The following KDM4A variants were observed in gnomAD, a reference collection of about 807,000 sequenced individuals.
KDM4A encodes the protein lysine-specific demethylase 4A.
A neutral mutation model predicts 127.1 loss-of-function variants in KDM4A; 23 were observed. The ratio of observed to expected loss-of-function variants is 0.18; its 90% CI spans 0.13 to 0.26. The LOEUF (loss-of-function observed/expected upper bound fraction) is 0.26, where lower values mean the gene tolerates loss of function less well. KDM4A is among the 10% of genes least tolerant of loss of function. The pLI is 1.00. For synonymous variants in KDM4A, 443 were observed against 466.5 expected (o/e 0.95, Z 0.65); for missense variants, 890 against 1,329.1 (o/e 0.67, Z 5.14).
chr1:43,655,126 C>T (rs627901), intron 2 of KDM4A, among the ~76,000 whole-genome samples: 37 of 152,056 alleles, frequency 2.4e-4, no homozygotes, highest in Non-Finnish European at 1.9e-4. Context: ...CTGGGATTAC[C>T]GGCATGAGCC....
At chr1:43,653,715 G>A (rs1012777349) in intron 2 of KDM4A, 1 of 155,112 alleles carries the variant, frequency 6.4e-6, no homozygotes, top group African/African-American at 2.4e-5. Flanking sequence ...CTTTCTTCAA[G>A]GGGAGAGAAT....
At position 43,693,685 on chromosome 1, in the gene KDM4A, T is replaced by A. The variant is rs1661174472; in HGVS notation, c.2376-309T>A. 1.3e-5 allele frequency among the ~76,000 whole-genome samples: 2 copies of A among 152,204 alleles called. No homozygotes were observed. The highest frequency in any genetic ancestry group is 2.9e-5 in the Non-Finnish European group (2 of 68,038). On this transcript the variant is annotated intron_variant, in intron 16 of 21. Coordinates refer to ENST00000372396, the MANE Select transcript of KDM4A (RefSeq NM_014663.3). The surrounding 1 kb of genome is among the most constrained non-coding windows in gnomAD (Gnocchi z 4.2). ...ATAGAGCTTTCCAGTTTATTCTCAC[T>A]CCCTGAGACCTGCCACACACCATTA...
At position 43,690,934 on chromosome 1, in the gene KDM4A, G is replaced by C; in HGVS notation, c.2127G>C (p.Met709Ile). The C allele has an allele frequency of 1.9e-6, 3 of 1,614,236 alleles. No homozygotes were observed. The highest frequency in any genetic ancestry group is 2.5e-6 in the Non-Finnish European group (3 of 1,180,036). The change falls in exon 14 of 22, where the codon ATG (methionine) becomes ATC (isoleucine). Residue 709 changes from methionine to isoleucine, a missense_variant. Transcript: ENST00000372396. The part of the protein sequence containing the change: ...KQRTKPLIPE[M>I]CFTSTGCSTD... ...GGACCAAGCCATTGATTCCAGAAAT[G>C]TGCTTCACTTCGACTGGCTGCAGCA...
intron 3 of KDM4A, among the ~76,000 whole-genome samples, chr1:43,659,368 T>A (rs1444021206): frequency 6.6e-6 from 1 of 152,190 alleles, no homozygotes; most frequent in Non-Finnish European, 1.5e-5. Context: ...TGGAGTGCAG[T>A]GGCGTTAGTT....
intron 4 of KDM4A, among the ~76,000 whole-genome samples, chr1:43,662,538 C>T (rs537569753): frequency 7.2e-5 from 11 of 152,232 alleles, no homozygotes; most frequent in African/African-American, 2.2e-4. Context: ...GCCCGGGAGG[C>T]GGAGGTTGCA....
At chr1:43,683,024 G>A (rs1660892696) in intron 11 of KDM4A, among the ~76,000 whole-genome samples, 1 of 152,242 alleles carries the variant, frequency 6.6e-6, no homozygotes, top group Non-Finnish European at 1.5e-5. Flanking sequence ...CTGACATTAT[G>A]TAAATGCAGT....
At chr1:43,678,060 C>T (rs1338343592) in intron 11 of KDM4A, among the ~76,000 whole-genome samples, 1 of 151,928 alleles carries the variant, frequency 6.6e-6, no homozygotes, top group African/African-American at 2.4e-5. Context: ...GGGCTTGACT[C>T]GGGTTTCCAG....
rs917851148 is a variant in KDM4A at position 43,655,735 on chromosome 1, C to T, written c.283C>T (p.Arg95Ter). 1 of 1,611,938 alleles carries T rather than the reference C, an allele frequency of 6.2e-7. No homozygotes were observed. The highest frequency in any genetic ancestry group is 8.5e-7 in the Non-Finnish European group (1 of 1,178,954). Residue 95 changes from arginine (R) to a stop codon, truncating the protein, a stop_gained, in exon 3 of 22, where the codon CGA (arginine) becomes TGA (stop). Transcript: ENST00000372396. LOFTEE classifies it high-confidence loss of function. ...CATACAGAAGAAAGCCATGACTGTT[C>T]GAGAGTTCCGCAAGATAGCCAATAG... is the stretch of plus-strand genomic sequence containing the variant. The part of the protein sequence containing the change: ...YNIQKKAMTV[R>*]EFRKIANSDK...
chr1:43,686,335 CTTTT>C (rs35280583), intron 12 of KDM4A, among the ~76,000 whole-genome samples: 1 of 92,916 alleles, frequency 1.1e-5, no homozygotes, highest in Non-Finnish European at 2.1e-5. Context: ...CACGCCCAGC[CTTTT>C]TTTTTTTTTT....
intron 12 of KDM4A, among the ~76,000 whole-genome samples, chr1:43,684,344 C>T (rs987230087): frequency 5.9e-5 from 9 of 152,008 alleles, no homozygotes; most frequent in Non-Finnish European, 1.2e-4. Flanking sequence ...TCTACTAAAA[C>T]TACAAAAAAG....
intron 19 of KDM4A, among the ~76,000 whole-genome samples, chr1:43,698,226 G>A (rs1661292336): frequency 6.6e-6 from 1 of 152,168 alleles, no homozygotes; most frequent in African/African-American, 2.4e-5. Context: ...AAGTACCTGG[G>A]AATCAGTATT....
rs114742683 is a variant in KDM4A at position 43,687,431 on chromosome 1, G to A, written c.1856-1483G>A. 9.0e-3 allele frequency among the ~76,000 whole-genome samples: 1,373 copies of A among 152,298 alleles called. 24 individuals carry two copies. The highest frequency in any genetic ancestry group is 0.032 in the African/African-American group (1,343 of 41,554). Reference sequence around the variant, plus strand: ...AGAAGGAGGGTCATAGCTGGGGACTGATGATGCCATTCAAAGCGAGATGCA... The same window carrying A: ...AGAAGGAGGGTCATAGCTGGGGACTAATGATGCCATTCAAAGCGAGATGCA... On this transcript the variant is annotated intron_variant, in intron 12 of 21. Coordinates refer to ENST00000372396, the MANE Select transcript of KDM4A (RefSeq NM_014663.3).
chr1:43,666,424 G>A, intron 6 of KDM4A, 28 bp from the exon 7 acceptor site: 1 of 1,588,168 alleles, frequency 6.3e-7, no homozygotes, highest in African/African-American at 1.3e-5. Flanking sequence ...GGAGCACTGT[G>A]TTAACCTGTA....
At position 43,662,331 on chromosome 1, in the gene KDM4A, C is replaced by T. The variant is rs1272966139; in HGVS notation, c.430-563C>T. Among the ~76,000 whole-genome samples, 6 of 148,822 alleles carry T rather than the reference C, an allele frequency of 4.0e-5. No individual in the cohort carries two copies. In the South Asian group the frequency reaches 9.5e-4, roughly 24 times the overall value. On this transcript the variant is annotated intron_variant, in intron 4 of 21. Coordinates refer to ENST00000372396, the MANE Select transcript of KDM4A (RefSeq NM_014663.3). ...GGGTTTCAAACAGGTGACTCTTGGT[C>T]GGGCGCGGTGGCTCAGGCCTGTAAT...
Position 43,664,343 on chromosome 1 carries a change from G to A in KDM4A, c.623+1256G>A, listed in dbSNP as rs1344302881. 4.6e-5 allele frequency among the ~76,000 whole-genome samples: 7 copies of A among 151,960 alleles called. No individual in the cohort carries two copies. In the East Asian group the frequency reaches 1.3e-3, roughly 29 times the overall value. On this transcript the variant is annotated intron_variant, in intron 5 of 21. Coordinates refer to ENST00000372396, the MANE Select transcript of KDM4A (RefSeq NM_014663.3). ...GCACTTTGGGAAGCCGAGGTGGGTG[G>A]ATCACCTGAAGTCAGGAGTTGGAGA... is the stretch of plus-strand genomic sequence containing the variant.
At chr1:43,672,784 G>A (rs1434795586) in intron 11 of KDM4A, among the ~76,000 whole-genome samples, 1 of 152,204 alleles carries the variant, frequency 6.6e-6, no homozygotes, top group Non-Finnish European at 1.5e-5. Context: ...GTGAACCACC[G>A]TGGCTGGCCT....
chr1:43,702,492 T>C (rs1006453570), intron 19 of KDM4A: 4 of 152,216 alleles, frequency 2.6e-5, no homozygotes, highest in African/African-American at 9.6e-5. Context: ...CACATCCTTT[T>C]AGACTCACTG....
chr1:43,703,593 C>T (rs1340470563), intron 19 of KDM4A, 24 bp from the exon 20 acceptor site: 1 of 1,612,564 alleles, frequency 6.2e-7, no homozygotes, highest in African/African-American at 1.3e-5. Flanking sequence ...TTCCTTTCAC[C>T]CTCCTTCCTT....
intron 8 of KDM4A, among the ~76,000 whole-genome samples, 174 bp downstream of exon 8, chr1:43,667,265 G>A (rs1393628684): frequency 1.3e-5 from 2 of 152,168 alleles, no homozygotes; most frequent in African/African-American, 4.8e-5. Context: ...TTAAAAATGT[G>A]TTCAGAATTG....
Sources: allele counts gnomAD v4.1 joint callset (sites outside exome capture counted in the v4.1 genomes callset), GRCh38; gene constraint gnomAD v4.1.1; non-coding constraint Gnocchi (gnomAD v3.1); transcripts MANE v1.5; gene names NCBI Gene and HGNC (gene_info 2026-07-23, HGNC 2026-07-21).